VIPR2: variants seen among roughly 807,000 people sequenced by gnomAD.
VIPR2 encodes vasoactive intestinal peptide receptor 2, also known as vasoactive intestinal polypeptide receptor 2.
In VIPR2, 48 loss-of-function variants were observed where a neutral mutation model predicts 58.0. The ratio of observed to expected loss-of-function variants is 0.83; its 90% CI spans 0.66 to 1.05. The LOEUF (loss-of-function observed/expected upper bound fraction) is 1.05. Among genes scored for constraint, VIPR2 ranks in the 50% least tolerant of loss-of-function variants. The probability of loss-of-function intolerance (pLI) is 0.00; values close to 1 mark genes in which losing one functional copy is unlikely to be tolerated. For synonymous variants in VIPR2, 243 were observed against 235.2 expected (o/e 1.03, Z -0.30); for missense variants, 534 against 558.0 (o/e 0.96, Z 0.43).
chr7:159,067,955 G>C (rs1348727071), intron 4 of VIPR2, among the ~76,000 whole-genome samples: 1 of 152,254 alleles, frequency 6.6e-6, no homozygotes, highest in African/African-American at 2.4e-5. Flanking sequence ...GTGCTGCGGG[G>C]GCCGCTAGCC....
intron 2 of VIPR2, among the ~76,000 whole-genome samples, chr7:159,115,421 A>G (rs542538885): frequency 6.6e-6 from 1 of 152,352 alleles, no homozygotes; most frequent in South Asian, 2.1e-4. Context: ...AATCCAAAAT[A>G]CCTTTGAATC....
Position 159,034,664 on chromosome 7 carries a change from A to C in VIPR2, c.810-14T>G. On this transcript the variant is annotated splice_polypyrimidine_tract_variant and intron_variant, in intron 8 of 12. Coordinates refer to ENST00000262178, the MANE Select transcript of VIPR2 (RefSeq NM_003382.5). ...GTATCCCAGCAACTGTCAGAGAGAGATGGGAAATCAGGTTACCACCAACCA... is the reference window on the plus strand; with the variant it reads ...GTATCCCAGCAACTGTCAGAGAGAGCTGGGAAATCAGGTTACCACCAACCA... 2 of 1,612,770 alleles carry C rather than the reference A, an allele frequency of 1.2e-6. No homozygotes were observed. Among genetic ancestry groups the C allele is most frequent in the South Asian group, 2.2e-5 (2 of 91,006 alleles).
intron 6 of VIPR2, among the ~76,000 whole-genome samples, chr7:159,041,851 C>T (rs1173543156): frequency 1.3e-5 from 2 of 152,098 alleles, no homozygotes; most frequent in South Asian, 2.1e-4. Context: ...GAAACCATCT[C>T]GGTGAGAGAG....
chr7:159,051,768 G>A (rs1011287530), intron 5 of VIPR2, among the ~76,000 whole-genome samples: 1 of 152,070 alleles, frequency 6.6e-6, no homozygotes, highest in African/African-American at 2.4e-5. Context: ...TTTAAGGTAG[G>A]AGACATTACT....
chr7:159,034,388 C>A (rs975838266), intron 9 of VIPR2, 84 bp from the exon 10 acceptor site: 16 of 1,422,742 alleles, frequency 1.1e-5, no homozygotes, highest in Non-Finnish European at 1.6e-5. Flanking sequence ...ACCCTCCCCT[C>A]CGCTCCCTCA....
rs3793223 is a variant in VIPR2, at chr7:159,070,883, C to T, written c.358-12305G>A. On this transcript the variant is annotated intron_variant, in intron 4 of 12. Coordinates refer to ENST00000262178, the MANE Select transcript of VIPR2 (RefSeq NM_003382.5). ...TCTTGGGGAAGCAAAGCAGACTGTGCGGTGAGTGCTGAAGCACACGCAGGT... is the reference window on the plus strand; with the variant it reads ...TCTTGGGGAAGCAAAGCAGACTGTGTGGTGAGTGCTGAAGCACACGCAGGT... Among the ~76,000 whole-genome samples, 616 of 152,224 alleles carry T rather than the reference C, an allele frequency of 4.0e-3. 3 individuals carry two copies. Among genetic ancestry groups the T allele is most frequent in the African/African-American group, 0.014 (575 of 41,562 alleles).
At chr7:159,121,272 T>C (rs958292102) in intron 2 of VIPR2, among the ~76,000 whole-genome samples, 5 of 150,132 alleles carry the variant, frequency 3.3e-5, no homozygotes, top group Admixed American at 3.3e-4. Flanking sequence ...CAGCTCCCTC[T>C]GCACGAGTCG....
chr7:159,034,945 C>T lies in VIPR2; in HGVS notation c.810-295G>A, dbSNP rs137907119. On this transcript the variant is annotated intron_variant, in intron 8 of 12. Transcript: ENST00000262178. ...ACTCTGAGCATGAACGTGTGTCAGC[C>T]CCATTCAGCTGAAATCAGGAGAAAA... 1.5e-3 allele frequency among the ~76,000 whole-genome samples: 227 copies of T among 152,282 alleles called. 2 individuals are homozygous for T. Among genetic ancestry groups the T allele is most frequent in the African/African-American group, 5.1e-3 (213 of 41,560 alleles).
At chr7:159,121,544 TTTC>T (rs1230512881) in intron 2 of VIPR2, among the ~76,000 whole-genome samples, 2 of 152,216 alleles carry the variant, frequency 1.3e-5, no homozygotes, top group African/African-American at 4.8e-5. Flanking sequence ...TTACGTATGA[TTTC>T]TTTTTACAAA....
intron 6 of VIPR2, among the ~76,000 whole-genome samples, chr7:159,037,151 C>T (rs2129493078): frequency 6.6e-6 from 1 of 152,334 alleles, no homozygotes; most frequent in South Asian, 2.1e-4. Flanking sequence ...GTGAACAGCA[C>T]TGCCTGAGGT....
At chr7:159,092,249 G>C (rs185800473) in intron 4 of VIPR2, among the ~76,000 whole-genome samples, 104 of 152,348 alleles carry the variant, frequency 6.8e-4, no homozygotes, top group African/African-American at 2.4e-3. Context: ...CTGGGGCCCA[G>C]AGCGAAATTG....
At chr7:159,070,661 C>T (rs937896866) in intron 4 of VIPR2, among the ~76,000 whole-genome samples, 1 of 152,072 alleles carries the variant, frequency 6.6e-6, no homozygotes, top group Admixed American at 6.6e-5. Context: ...TGGGAACTGT[C>T]CCAGAAGACA....
chr7:159,111,095 A>G (rs17837876), intron 2 of VIPR2, among the ~76,000 whole-genome samples: 5,922 of 152,290 alleles, frequency 0.039, 379 homozygotes, highest in African/African-American at 0.13. Context: ...GCCCCCGTGT[A>G]AGGCTGCTTA....
intron 4 of VIPR2, among the ~76,000 whole-genome samples, chr7:159,080,516 G>A (rs1856847380): frequency 6.6e-6 from 1 of 152,190 alleles, no homozygotes; most frequent in Non-Finnish European, 1.5e-5. Flanking sequence ...ATATCATACT[G>A]AATGGACAAA....
At position 159,075,769 on chromosome 7, in the gene VIPR2, G is replaced by A. The variant is rs532368486; in HGVS notation, c.358-17191C>T. On this transcript the variant is annotated intron_variant, in intron 4 of 12. Transcript: ENST00000262178. ...TGCATCAGTGAGTAGCCCAGGGCCGGCACCCACGGACCCGCTGCATCAGTG... is the reference window on the plus strand; with the variant it reads ...TGCATCAGTGAGTAGCCCAGGGCCGACACCCACGGACCCGCTGCATCAGTG... 3.4e-3 allele frequency among the ~76,000 whole-genome samples: 503 copies of A among 149,396 alleles called. 2 individuals carry two copies. The highest frequency in any genetic ancestry group is 0.012 in the African/African-American group (467 of 39,436).
At chr7:159,090,568 C>A (rs112227267) in intron 4 of VIPR2, among the ~76,000 whole-genome samples, 34 of 106,874 alleles carry the variant, frequency 3.2e-4, no homozygotes, top group African/African-American at 1.1e-3. Context: ...GGGGCCACCT[C>A]TTGTGACCAT....
chr7:159,050,075 G>A (rs976371446), intron 5 of VIPR2, among the ~76,000 whole-genome samples: 11 of 152,140 alleles, frequency 7.2e-5, no homozygotes, highest in African/African-American at 1.4e-4. Context: ...GGTGGCTCAC[G>A]CGTGTAATCC....
chr7:159,033,073 A>C (rs1853688642), intron 10 of VIPR2, among the ~76,000 whole-genome samples: 1 of 152,120 alleles, frequency 6.6e-6, no homozygotes, highest in South Asian at 2.1e-4. Flanking sequence ...CTTTTGCAAT[A>C]CTCTGGTGCC....
intron 4 of VIPR2, among the ~76,000 whole-genome samples, chr7:159,063,087 G>A (rs534124102): frequency 6.6e-6 from 1 of 152,248 alleles, no homozygotes; most frequent in East Asian, 1.9e-4. Context: ...GCTTCACCTA[G>A]TGTATCCTGC....
Sources: allele counts gnomAD v4.1 joint callset (sites outside exome capture counted in the v4.1 genomes callset), GRCh38; gene constraint gnomAD v4.1.1; transcripts MANE v1.5; gene names NCBI Gene and HGNC (gene_info 2026-07-23, HGNC 2026-07-21).